GRM8: variants seen among roughly 807,000 people sequenced by gnomAD.
GRM8 encodes glutamate metabotropic receptor 8.
In GRM8, 47 loss-of-function variants were observed where a neutral mutation model predicts 87.2. The ratio of observed to expected loss-of-function variants is 0.54; its 90% CI spans 0.43 to 0.69. The LOEUF is 0.69. Ranked by LOEUF, GRM8 falls within the 30% of genes least tolerant of loss-of-function variation. GRM8 has a pLI of 0.00. For missense variants in GRM8, 1,019 were observed against 1,139.2 expected (o/e 0.89, Z 1.52); for synonymous variants, 396 against 404.5 (o/e 0.98, Z 0.25).
intron 7 of GRM8, among the ~76,000 whole-genome samples, chr7:126,717,331 T>A: frequency 6.6e-6 from 1 of 151,998 alleles, no homozygotes. Context: ...GCTTGTGGGG[T>A]GGAGGGTGAA....
At chr7:127,144,866 C>T (rs1159127051) in intron 2 of GRM8, among the ~76,000 whole-genome samples, 1 of 152,058 alleles carries the variant, frequency 6.6e-6, no homozygotes, top group East Asian at 1.9e-4. Context: ...GGTAGATTTC[C>T]TTTCTGCGGT....
intron 6 of GRM8, among the ~76,000 whole-genome samples, chr7:126,851,555 T>A (rs75092793): frequency 0.014 from 2,133 of 152,270 alleles, 28 homozygotes; most frequent in Non-Finnish European, 0.02. Flanking sequence ...CACACTGTTT[T>A]AGCTACACCT....
At position 126,505,216 on chromosome 7, in the gene GRM8, C is replaced by T. The variant is rs184631284; in HGVS notation, c.2430+27736G>A. On this transcript the variant is annotated intron_variant, in intron 9 of 10. Transcript: ENST00000339582. ...GTTCTGCGTTCCTTCTTGCAACACC[C>T]AAATTTACTTTAGTGTCTTAATTCT... Among the ~76,000 whole-genome samples, 37 of 152,118 alleles carry T rather than the reference C, an allele frequency of 2.4e-4. No homozygotes were observed. The East Asian group carries it at 2.9e-3, about 12-fold the overall frequency.
intron 6 of GRM8, among the ~76,000 whole-genome samples, chr7:126,797,417 AT>A (rs1207530613): frequency 6.6e-6 from 1 of 152,072 alleles, no homozygotes; most frequent in African/African-American, 2.4e-5. Context: ...TATTCTTGTT[AT>A]TTTTTAAAAT....
chr7:127,030,537 C>G (rs1817265742), intron 3 of GRM8, among the ~76,000 whole-genome samples: 2 of 152,120 alleles, frequency 1.3e-5, no homozygotes, highest in African/African-American at 4.8e-5. Flanking sequence ...CTGTTTATCT[C>G]AACTCATTCT....
chr7:126,752,195 C>T (rs900543476), intron 7 of GRM8, among the ~76,000 whole-genome samples: 1 of 151,986 alleles, frequency 6.6e-6, no homozygotes, highest in Non-Finnish European at 1.5e-5. Context: ...ACTCAGAAGG[C>T]TGAGGCAGAA....
At chr7:127,149,320 A>G (rs1297943491) in intron 2 of GRM8, among the ~76,000 whole-genome samples, 3 of 152,122 alleles carry the variant, frequency 2.0e-5, no homozygotes, top group Non-Finnish European at 4.4e-5. Flanking sequence ...AAGATACTCA[A>G]TACCATTAGT....
At chr7:126,750,289 C>T (rs896816910) in intron 7 of GRM8, among the ~76,000 whole-genome samples, 2 of 151,984 alleles carry the variant, frequency 1.3e-5, no homozygotes, top group African/African-American at 4.8e-5. Flanking sequence ...TGATAGAAAG[C>T]AAATCAGTGA....
intron 2 of GRM8, among the ~76,000 whole-genome samples, chr7:127,182,846 T>A (rs1216468794): frequency 6.6e-6 from 1 of 151,140 alleles, no homozygotes; most frequent in Non-Finnish European, 1.5e-5. Context: ...AGCTAAGCTA[T>A]GAGGACAAAA....
chr7:126,741,293 T>A (rs1029320384), intron 7 of GRM8, among the ~76,000 whole-genome samples: 1 of 152,006 alleles, frequency 6.6e-6, no homozygotes, highest in Non-Finnish European at 1.5e-5. Context: ...CTGTTTCCAA[T>A]ACACAGAAGT....
chr7:127,047,367 T>A (rs1819032764), intron 3 of GRM8, among the ~76,000 whole-genome samples: 1 of 152,204 alleles, frequency 6.6e-6, no homozygotes, highest in South Asian at 2.1e-4. Context: ...GGTTAGTGAA[T>A]AAGCAGGAAA....
chr7:127,003,661 C>T (rs528967315), intron 3 of GRM8, among the ~76,000 whole-genome samples: 2 of 151,694 alleles, frequency 1.3e-5, no homozygotes, highest in South Asian at 2.1e-4. Flanking sequence ...AGAGGTAACA[C>T]GTCAAAGTCT....
At chr7:127,033,713 T>G (rs1191492952) in intron 3 of GRM8, among the ~76,000 whole-genome samples, 1 of 152,082 alleles carries the variant, frequency 6.6e-6, no homozygotes, top group Non-Finnish European at 1.5e-5. Context: ...CCCACAAACC[T>G]TTAGATAGAA....
Position 126,614,383 on chromosome 7 carries a change from C to T in GRM8, c.1358-4885G>A, listed in dbSNP as rs1044414338. On this transcript the variant is annotated intron_variant, in intron 7 of 10. Transcript: ENST00000339582. Reference sequence around the variant, plus strand: ...CACCAAAACCACATCTGTACATCACCATCATCAAAGACCAAAGGCAGATAA... The same window carrying T: ...CACCAAAACCACATCTGTACATCACTATCATCAAAGACCAAAGGCAGATAA... Among the ~76,000 whole-genome samples, 3 of 152,142 alleles carry T rather than the reference C, an allele frequency of 2.0e-5. No homozygotes were observed. The South Asian group carries it at 6.2e-4, about 31-fold the overall frequency.
chr7:126,871,214 A>C (rs572378177), intron 6 of GRM8, among the ~76,000 whole-genome samples: 1 of 152,158 alleles, frequency 6.6e-6, no homozygotes, highest in African/African-American at 2.4e-5. Flanking sequence ...AAAGTCCACA[A>C]AAATGAATAG....
intron 3 of GRM8, among the ~76,000 whole-genome samples, chr7:127,101,834 G>T (rs1323308271): frequency 1.3e-5 from 2 of 152,198 alleles, no homozygotes; most frequent in Admixed American, 1.3e-4. Context: ...AACAGGCAGA[G>T]GCTAGAAGAG....
intron 3 of GRM8, among the ~76,000 whole-genome samples, chr7:127,042,406 G>A (rs1470552674): frequency 6.6e-6 from 1 of 152,226 alleles, no homozygotes; most frequent in Non-Finnish European, 1.5e-5. Flanking sequence ...TTAAGATGAA[G>A]TGGGGAGGTG....
Position 127,173,480 on chromosome 7 carries a change from G to T in GRM8, c.511-66768C>A, listed in dbSNP as rs567686583. Reference sequence around the variant, plus strand: ...GTGAAAGGGAAAGAAAGGAGTAGTAGATGAAATTAGAGAGGTCAGGAGGAT... The same window carrying T: ...GTGAAAGGGAAAGAAAGGAGTAGTATATGAAATTAGAGAGGTCAGGAGGAT... On this transcript the variant is annotated intron_variant, in intron 2 of 10. Coordinates refer to ENST00000339582, the MANE Select transcript of GRM8 (RefSeq NM_000845.3). Among the ~76,000 whole-genome samples, 17 of 152,264 alleles carry T rather than the reference G, an allele frequency of 1.1e-4. No individual in the cohort carries two copies. In the South Asian group the frequency reaches 3.5e-3, roughly 32 times the overall value.
chr7:126,592,150 CAAA>C (rs55956390), intron 8 of GRM8, among the ~76,000 whole-genome samples: 6 of 145,562 alleles, frequency 4.1e-5, no homozygotes, highest in Admixed American at 1.4e-4. Flanking sequence ...AGTCTCCCAT[CAAA>C]AAAAAAAAAG....
Sources: allele counts gnomAD v4.1 joint callset (sites outside exome capture counted in the v4.1 genomes callset), GRCh38; gene constraint gnomAD v4.1.1; transcripts MANE v1.5; gene names NCBI Gene and HGNC (gene_info 2026-07-23, HGNC 2026-07-21).